Variants in JAM2 observed in about 807,000 individuals in gnomAD.
JAM2 encodes the protein junctional adhesion molecule B.
JAM2 carries 17 observed loss-of-function variants against 42.0 expected under a neutral mutation model. That is an observed-to-expected ratio of 0.40 (90% CI 0.28 to 0.61). The LOEUF (loss-of-function observed/expected upper bound fraction) is 0.61, where lower values mean the gene tolerates loss of function less well. Ranked by LOEUF, JAM2 falls within the 20% of genes least tolerant of loss-of-function variation. The pLI is 0.37. For missense variants in JAM2, 319 were observed against 358.3 expected (o/e 0.89, Z 0.89); for synonymous variants, 118 against 128.6 (o/e 0.92, Z 0.56).
chr21:25,644,735 CA>C (rs1231839114), intron 1 of JAM2, among the ~76,000 whole-genome samples: 3 of 152,140 alleles, frequency 2.0e-5, no homozygotes, highest in Admixed American at 2.0e-4. Context: ...TCACAGCAGC[CA>C]AAATGAGGTT....
intron 2 of JAM2, among the ~76,000 whole-genome samples, chr21:25,688,653 T>C (rs532178328): frequency 6.6e-6 from 1 of 152,352 alleles, no homozygotes; most frequent in South Asian, 2.1e-4. Flanking sequence ...TTTGGTTCTT[T>C]TCTTCCTTGC....
intron 2 of JAM2, among the ~76,000 whole-genome samples, chr21:25,689,364 C>T (rs2033825662): frequency 6.6e-6 from 1 of 152,174 alleles, no homozygotes; most frequent in South Asian, 2.1e-4. Flanking sequence ...ATGTCCCTGG[C>T]TGGATTCAGT....
intron 7 of JAM2, among the ~76,000 whole-genome samples, chr21:25,708,667 C>T (rs915744973): frequency 1.3e-5 from 2 of 152,106 alleles, no homozygotes; most frequent in Non-Finnish European, 2.9e-5. Context: ...CCAGCTGTGG[C>T]CCCCTGCTGG....
At chr21:25,667,112 G>C (rs952139389) in intron 1 of JAM2, among the ~76,000 whole-genome samples, 1 of 152,038 alleles carries the variant, frequency 6.6e-6, no homozygotes, top group African/African-American at 2.4e-5. Flanking sequence ...AATTTTACCC[G>C]TGGCCAACCA....
chr21:25,666,795 G>T (rs984815786), intron 1 of JAM2, among the ~76,000 whole-genome samples: 1 of 152,184 alleles, frequency 6.6e-6, no homozygotes, highest in African/African-American at 2.4e-5. Flanking sequence ...TCTCTCAAAT[G>T]CTGGGATTAC....
In JAM2 at chr21:25,695,988, C is replaced by T. The variant is rs1270013363; in HGVS notation, c.394+2080C>T. Among the ~76,000 whole-genome samples the T allele has an allele frequency of 5.3e-5, 8 of 152,292 alleles. 1 individual carries two copies. In the South Asian group the frequency reaches 1.0e-3, roughly 20 times the overall value. On this transcript the variant is annotated intron_variant, in intron 4 of 9. Transcript: ENST00000480456. ...GCTCCTCACTTCCCAGACGGGGTGG[C>T]GGCCAGGCAGAGGCTGCAATCTCGG...
At chr21:25,698,911 TG>T in intron 5 of JAM2, 32 bp downstream of exon 5, 1 of 1,560,318 alleles carries the variant, frequency 6.4e-7, no homozygotes, top group African/African-American at 1.4e-5. Flanking sequence ...ACTTGATAAC[TG>T]TCTTGCATTT....
At chr21:25,667,753 T>A (rs2123342688) in intron 1 of JAM2, among the ~76,000 whole-genome samples, 1 of 152,328 alleles carries the variant, frequency 6.6e-6, no homozygotes, top group East Asian at 1.9e-4. Context: ...GAGTACCATA[T>A]GGCAAGCATT....
chr21:25,707,573 C>G lies in JAM2; in HGVS notation c.805+1487C>G, dbSNP rs79728670. 3.3e-5 allele frequency among the ~76,000 whole-genome samples: 5 copies of G among 152,270 alleles called. No individual in the cohort carries two copies. The East Asian group carries it at 9.6e-4, about 29-fold the overall frequency. On this transcript the variant is annotated intron_variant, in intron 7 of 9. Transcript: ENST00000480456. ...CTTCTGTACACAGTTTTGAATTCTT[C>G]AAATTTAGACCTCTTGTAACTTCAC...
chr21:25,716,897 T>G lies in JAM2; in HGVS notation c.*2225T>G, dbSNP rs1166184908. ...TTGGCATGCCAAGAGGATAGATGAC[T>G]CTGAAAGACGCCTCTTCAGACATAC... On this transcript the variant is annotated 3_prime_UTR_variant, in exon 10 of 10. Transcript: ENST00000480456. The G allele has an allele frequency of 6.6e-6, 1 of 152,242 alleles. No individual in the cohort carries two copies. Among genetic ancestry groups the G allele is most frequent in the African/African-American group, 2.4e-5 (1 of 41,466 alleles). 9.4% of individuals were successfully genotyped at this position (152,242 alleles called of 1,614,324 possible).
rs2033969509 is a variant in JAM2 at position 25,694,991 on chromosome 21, T to C, written c.394+1083T>C. On this transcript the variant is annotated intron_variant, in intron 4 of 9. Transcript: ENST00000480456. ...TCCTTTTTCTTTCTTTTTTTTTTTTTTAGTATTTATTGATCATTCTTGGGT... is the reference window on the plus strand; with the variant it reads ...TCCTTTTTCTTTCTTTTTTTTTTTTCTAGTATTTATTGATCATTCTTGGGT... 4.0e-5 allele frequency among the ~76,000 whole-genome samples: 6 copies of C among 151,632 alleles called. 1 individual carries two copies. The South Asian group carries it at 8.3e-4, about 21-fold the overall frequency.
Position 25,695,974 on chromosome 21 carries a change from C to G in JAM2, c.394+2066C>G, listed in dbSNP as rs1179866202. ...GGCCAGGCAGAGACGCTCCTCACTT[C>G]CCAGACGGGGTGGCGGCCAGGCAGA... On this transcript the variant is annotated intron_variant, in intron 4 of 9. Coordinates refer to ENST00000480456, the MANE Select transcript of JAM2 (RefSeq NM_021219.4). Among the ~76,000 whole-genome samples the G allele has an allele frequency of 1.1e-4, 16 of 152,230 alleles. 1 individual carries two copies. Among genetic ancestry groups the G allele is most frequent in the Admixed American group, 9.8e-4 (15 of 15,286 alleles).
At position 25,660,759 on chromosome 21, in the gene JAM2, CATATAT is replaced by C. The variant is rs1311949044; in HGVS notation, c.67+20890_67+20895del. 6.9e-4 allele frequency among the ~76,000 whole-genome samples: 37 copies of C among 53,450 alleles called. 1 individual carries two copies. The highest frequency in any genetic ancestry group is 2.9e-3 in the African/African-American group (31 of 10,778). 35.1% of individuals were successfully genotyped at this position (53,450 alleles called of 152,430 possible). A position where few individuals can be genotyped will look rare whatever the true frequency, so the allele number is the denominator to read the frequency against. ...TTTGTATTCTAATGCTCACAATAAC[CATATAT>C]ATATATATATATATATATTTTTTTT... On this transcript the variant is annotated intron_variant, in intron 1 of 9. Transcript: ENST00000480456.
chr21:25,714,623 T>G lies in JAM2; in HGVS notation c.865-17T>G. 1 of 1,411,222 alleles carries G rather than the reference T, an allele frequency of 7.1e-7. No homozygotes were observed. The highest frequency in any genetic ancestry group is 9.7e-7 in the Non-Finnish European group (1 of 1,029,620). 87.4% of individuals were successfully genotyped at this position (1,411,222 alleles called of 1,614,324 possible). On this transcript the variant is annotated splice_polypyrimidine_tract_variant and intron_variant, in intron 9 of 9. Coordinates refer to ENST00000480456, the MANE Select transcript of JAM2 (RefSeq NM_021219.4). ...TGAATTCATATATTTAAACCTGTTTTTTCTTTCTTTTCCTAGGATTTCAAG... is the reference window on the plus strand; with the variant it reads ...TGAATTCATATATTTAAACCTGTTTGTTCTTTCTTTTCCTAGGATTTCAAG...
chr21:25,652,431 A>C (rs1600994405), intron 1 of JAM2, among the ~76,000 whole-genome samples: 1 of 152,162 alleles, frequency 6.6e-6, no homozygotes, highest in Non-Finnish European at 1.5e-5. Flanking sequence ...AACCTACTGT[A>C]TATCAAATTA....
chr21:25,686,853 A>G (rs914332869), intron 2 of JAM2, among the ~76,000 whole-genome samples: 1 of 152,254 alleles, frequency 6.6e-6, no homozygotes, highest in African/African-American at 2.4e-5. Flanking sequence ...TAATGATTCT[A>G]TCTATGCGAT....
At chr21:25,699,322 G>A (rs1488143606) in intron 5 of JAM2, among the ~76,000 whole-genome samples, 1 of 152,156 alleles carries the variant, frequency 6.6e-6, no homozygotes, top group Non-Finnish European at 1.5e-5. Flanking sequence ...TGTGACTTAG[G>A]AAAGTGCATT....
intron 4 of JAM2, among the ~76,000 whole-genome samples, chr21:25,696,685 T>C (rs1315821011): frequency 1.3e-5 from 2 of 152,042 alleles, no homozygotes; most frequent in East Asian, 3.9e-4. Flanking sequence ...ACGAGGAAAA[T>C]CTGTTTCCAG....
At chr21:25,714,282 G>A (rs1274087937) in intron 9 of JAM2, 18 of 1,154,886 alleles carry the variant, frequency 1.6e-5, no homozygotes, top group South Asian at 6.5e-5. Context: ...CGCGGCGGGC[G>A]GATCACGAGG....
Sources: allele counts gnomAD v4.1 joint callset (sites outside exome capture counted in the v4.1 genomes callset), GRCh38; gene constraint gnomAD v4.1.1; transcripts MANE v1.5; gene names NCBI Gene and HGNC (gene_info 2026-07-23, HGNC 2026-07-21).